Variants in TNFSF11 observed in about 807,000 individuals in gnomAD.
TNFSF11 encodes TNF superfamily member 11.
Under a neutral mutation model 32.2 loss-of-function variants are expected in TNFSF11, and 12 were observed. That is an observed-to-expected ratio of 0.37 (90% CI 0.24 to 0.60). TNFSF11 has a LOEUF of 0.60. Ranked by LOEUF, TNFSF11 falls within the 20% of genes least tolerant of loss-of-function variation. The pLI is 0.66. For synonymous variants in TNFSF11, 172 were observed against 152.1 expected (o/e 1.13, Z -0.96); for missense variants, 345 against 398.0 (o/e 0.87, Z 1.13).
intron 2 of TNFSF11, among the ~76,000 whole-genome samples, chr13:42,585,409 T>A (rs372382427): frequency 2.6e-5 from 4 of 152,338 alleles, no homozygotes; most frequent in African/African-American, 7.2e-5. Context: ...TTACCCAACA[T>A]GTCTTTGGTC....
chr13:42,603,858 C>A (rs78220389), intron 4 of TNFSF11, among the ~76,000 whole-genome samples: 2,092 of 152,254 alleles, frequency 0.014, 16 homozygotes, highest in South Asian at 0.046. Flanking sequence ...GGGCAGACTG[C>A]CTGTTCCTAA....
At chr13:42,592,321 G>A (rs957964307) in intron 2 of TNFSF11, among the ~76,000 whole-genome samples, 45 of 152,304 alleles carry the variant, frequency 3.0e-4, no homozygotes, top group African/African-American at 1.1e-3. Context: ...GGGTTCCCAT[G>A]ACCTCCTACT....
intron 2 of TNFSF11, among the ~76,000 whole-genome samples, chr13:42,599,908 C>CT (rs1342025550): frequency 6.6e-6 from 1 of 152,118 alleles, no homozygotes; most frequent in Admixed American, 6.5e-5. Flanking sequence ...ACATTATCTC[C>CT]TTTAGTCTTC....
At chr13:42,573,122 GA>G (rs1227527038), upstream of TNFSF11, among the ~76,000 whole-genome samples, 3 of 148,924 alleles carry the variant, frequency 2.0e-5, no homozygotes, top group South Asian at 4.2e-4. Context: ...ATGATCACAA[GA>G]AAAAAAGTCT....
intron 1 of TNFSF11, among the ~76,000 whole-genome samples, chr13:42,578,787 C>T (rs774951559): frequency 1.3e-5 from 2 of 152,030 alleles, no homozygotes; most frequent in Non-Finnish European, 2.9e-5. Context: ...AGAAAGGGGA[C>T]AAAATCTTTG....
At chr13:42,601,127 G>A in intron 4 of TNFSF11, 146 bp downstream of exon 4, 1 of 847,794 alleles carries the variant, frequency 1.2e-6, no homozygotes, top group Non-Finnish European at 1.9e-6. Flanking sequence ...ATCCTCAGGT[G>A]ATGATTCACA....
intron 4 of TNFSF11, 101 bp downstream of exon 4, chr13:42,601,082 G>GAGCCCTTACTTCAA (rs1177325623): frequency 5.3e-6 from 7 of 1,332,724 alleles, no homozygotes; most frequent in African/African-American, 2.9e-5. Flanking sequence ...GAATTTTTGA[G>GAGCCCTTACTTCAA]AGCCCTTACT....
upstream of TNFSF11, chr13:42,571,738 G>GT (rs1873076705): frequency 6.6e-6 from 1 of 152,146 alleles, no homozygotes; most frequent in Non-Finnish European, 1.5e-5. Context: ...AAGAATTGCA[G>GT]GTATGGAAAT....
chr13:42,566,015 A>C (rs574574795), intron 1 of TNFSF11, among the ~76,000 whole-genome samples: 2 of 152,186 alleles, frequency 1.3e-5, no homozygotes, highest in Admixed American at 1.3e-4. Context: ...AGTCTACCTG[A>C]GGCTTTAGGA....
At chr13:42,565,597 TA>T in intron 1 of TNFSF11, among the ~76,000 whole-genome samples, 1 of 152,360 alleles carries the variant, frequency 6.6e-6, no homozygotes, top group East Asian at 1.9e-4. Context: ...TAGTATGATG[TA>T]CAAGAAAATT....
intron 1 of TNFSF11, among the ~76,000 whole-genome samples, chr13:42,577,849 T>C (rs1465963252): frequency 6.6e-6 from 1 of 152,218 alleles, no homozygotes; most frequent in Non-Finnish European, 1.5e-5. Flanking sequence ...TTAAAAAAAA[T>C]GAGACAGTGT....
At chr13:42,599,298 A>G (rs967357481) in intron 2 of TNFSF11, among the ~76,000 whole-genome samples, 10 of 147,104 alleles carry the variant, frequency 6.8e-5, no homozygotes, top group African/African-American at 2.5e-4. Context: ...AAATTATGTT[A>G]TTGCCTCTAT....
At chr13:42,569,247 TATC>T (rs1271065321), upstream of TNFSF11, among the ~76,000 whole-genome samples, 1 of 152,076 alleles carries the variant, frequency 6.6e-6, no homozygotes, top group African/African-American at 2.4e-5. Context: ...CAAGGGTTCT[TATC>T]ATAAGAGGGA....
intron 2 of TNFSF11, among the ~76,000 whole-genome samples, chr13:42,587,241 A>G (rs1873941766): frequency 6.6e-6 from 1 of 152,236 alleles, no homozygotes; most frequent in Non-Finnish European, 1.5e-5. Context: ...CACTTCCAGT[A>G]GCATCATATC....
intron 1 of TNFSF11, among the ~76,000 whole-genome samples, chr13:42,564,205 CTCTA>C (rs1313276992): frequency 6.6e-6 from 1 of 151,992 alleles, no homozygotes; most frequent in Non-Finnish European, 1.5e-5. Context: ...TGTTGCAGTT[CTCTA>C]TCTCTTCATC....
Position 42,607,916 on chromosome 13 carries a change from A to G in TNFSF11, c.*998A>G, listed in dbSNP as rs1341055573. The G allele has an allele frequency of 2.0e-5, 3 of 152,730 alleles. No individual in the cohort carries two copies. The highest frequency in any genetic ancestry group is 4.4e-5 in the Non-Finnish European group (3 of 68,026). The allele number at this position is 152,730 out of a possible 1,614,324, so 9.5% of individuals were successfully genotyped here. A position where few individuals can be genotyped will look rare whatever the true frequency, so the allele number is the denominator to read the frequency against. On this transcript the variant is annotated 3_prime_UTR_variant, in exon 5 of 5. Coordinates refer to ENST00000398795, the MANE Select transcript of TNFSF11 (RefSeq NM_003701.4). ...AGTGGTTTATCAGCAAAAAAGTCCA[A>G]TTTTAATTTAGTAAATGTTATCTTA...
chr13:42,581,916 G>A (rs1399513674), intron 2 of TNFSF11, among the ~76,000 whole-genome samples: 7 of 152,212 alleles, frequency 4.6e-5, no homozygotes, highest in Admixed American at 2.0e-4. Flanking sequence ...GCCCCAGTTG[G>A]GAAACACTGT....
At chr13:42,573,711 G>A (rs543147387), upstream of TNFSF11, among the ~76,000 whole-genome samples, 1 of 152,268 alleles carries the variant, frequency 6.6e-6, no homozygotes, top group Admixed American at 6.5e-5. Flanking sequence ...AGCACTTTGG[G>A]GGGAGAGGTT....
chr13:42,574,161 C>T lies in TNFSF11; in HGVS notation c.-143C>T. ...GGCTGCCGGGCGCCCTGCCCGCTCG[C>T]CCGCGCGCCCCAGGACCCAAAGCCG... is the stretch of plus-strand genomic sequence containing the variant. On this transcript the variant is annotated 5_prime_UTR_variant, in exon 1 of 5. Transcript: ENST00000398795. 2 of 1,163,166 alleles carry T rather than the reference C, an allele frequency of 1.7e-6. No individual in the cohort carries two copies. The highest frequency in any genetic ancestry group is 2.4e-6 in the Non-Finnish European group (2 of 818,432). The allele number at this position is 1,163,166 out of a possible 1,614,324, so 72.1% of individuals were successfully genotyped here.
Sources: allele counts gnomAD v4.1 joint callset (sites outside exome capture counted in the v4.1 genomes callset), GRCh38; gene constraint gnomAD v4.1.1; transcripts MANE v1.5; gene names NCBI Gene and HGNC (gene_info 2026-07-23, HGNC 2026-07-21).